Variants in GREB1 observed in about 807,000 individuals in gnomAD.
The protein encoded by GREB1 is protein GREB1.
Under a neutral mutation model 200.7 loss-of-function variants are expected in GREB1, and 106 were observed. That is an observed-to-expected ratio of 0.53 (90% CI 0.45 to 0.62). GREB1 has a LOEUF of 0.62. GREB1 is among the 20% of genes least tolerant of loss of function. The probability of loss-of-function intolerance (pLI) is 0.00; values close to 1 mark genes in which losing one functional copy is unlikely to be tolerated. For synonymous variants in GREB1, 1,132 were observed against 1,092.4 expected, an observed-to-expected ratio of 1.04 and a Z score of -0.72; for missense variants, 2,243 against 2,556.8, an observed-to-expected ratio of 0.88 and a Z score of 2.65.
intron 11 of GREB1, 96 bp from the exon 12 acceptor site, chr2:11,595,155 T>C: frequency 9.0e-7 from 1 of 1,113,756 alleles, no homozygotes; most frequent in Non-Finnish European, 1.3e-6. Flanking sequence ...AGATGGGAAA[T>C]GTCAAGTCTA....
At chr2:11,616,419 C>T (rs555930486) in intron 20 of GREB1, among the ~76,000 whole-genome samples, 8 of 152,376 alleles carry the variant, frequency 5.3e-5, no homozygotes, top group African/African-American at 1.7e-4. Context: ...CAGGAGCCTT[C>T]GCTGCACCCA....
At chr2:11,551,688 TC>T (rs753111113) in intron 1 of GREB1, among the ~76,000 whole-genome samples, 6 of 152,322 alleles carry the variant, frequency 3.9e-5, no homozygotes, top group Admixed American at 2.0e-4. Context: ...TAGTTTTTTT[TC>T]CAAAGACATC....
At position 11,588,864 on chromosome 2, in the gene GREB1, C is replaced by T; in HGVS notation, c.1278C>T (p.Ala426=). 1 of 1,614,176 alleles carries T rather than the reference C, an allele frequency of 6.2e-7. No individual in the cohort carries two copies. The highest frequency in any genetic ancestry group is 8.5e-7 in the Non-Finnish European group (1 of 1,180,004). Residue 426 remains alanine, a synonymous_variant, in exon 10 of 33, where the codon GCC becomes GCT. Coordinates refer to ENST00000381486, the MANE Select transcript of GREB1 (RefSeq NM_014668.4). ...SVSRAYEQYG[A]SAIQPISEEM... ...CACGGGCATACGAGCAGTACGGCGC[C>T]TCTGCCATCCAGCCCATCTCCGAGG...
intron 1 of GREB1, among the ~76,000 whole-genome samples, chr2:11,502,715 T>C (rs1030246778): frequency 4.6e-5 from 7 of 152,192 alleles, no homozygotes; most frequent in African/African-American, 2.4e-5. Context: ...GATGAAAATA[T>C]TTATTGACCT....
In GREB1 at chr2:11,497,971, C is replaced by CTTTTTTT. The variant is rs70955803; in HGVS notation, c.-159+15625_-159+15631dup. ...TAACAGGGTCTTTTGCAGAGCAAAA[C>CTTTTTTT]TTTTTTTTTTTTTTTTTTTTTTTTT... On this transcript the variant is annotated intron_variant, in intron 1 of 2. Transcript: ENST00000628795. 9.8e-5 allele frequency among the ~76,000 whole-genome samples: 4 copies of CTTTTTTT among 40,628 alleles called. 1 individual carries two copies. The highest frequency in any genetic ancestry group is 1.6e-3 in the East Asian group (2 of 1,266). 26.7% of individuals were successfully genotyped at this position (40,628 alleles called of 152,430 possible).
At chr2:11,584,385 A>G (rs369878788) in intron 7 of GREB1, among the ~76,000 whole-genome samples, 9 of 152,156 alleles carry the variant, frequency 5.9e-5, no homozygotes, top group East Asian at 1.9e-4. Context: ...TGAGTCTGAA[A>G]TTAGCTTTCC....
Position 11,625,287 on chromosome 2 carries a change from G to C in GREB1, c.4281G>C (p.Ser1427=). 1 of 1,614,108 alleles carries C rather than the reference G, an allele frequency of 6.2e-7. No individual in the cohort carries two copies. The highest frequency in any genetic ancestry group is 8.5e-7 in the Non-Finnish European group (1 of 1,179,988). ...ATGAAGATGCCAGCCTGATTTGTTC[G>C]CACTATCAGGGTATAAAGAGTGAAG... ...PKYEDASLIC[S]HYQGIKSEDR... is the part of the protein sequence containing the mutation. The change falls in exon 24 of 33, where the codon TCG becomes TCC. Residue 1427 remains serine, a synonymous_variant. Transcript: ENST00000381486.
intron 30 of GREB1, 73 bp from the exon 31 acceptor site, chr2:11,637,643 T>G: frequency 2.1e-6 from 3 of 1,419,510 alleles, no homozygotes; most frequent in Non-Finnish European, 2.9e-6. Context: ...GGGCCACCCT[T>G]GCAGCCCGGA....
rs1558643641 is a variant in GREB1 at position 11,618,168 on chromosome 2, G to GGGACAGGTCACTCCTGGGATGGGCC, written c.3413-120_3413-119insGGACAGGTCACTCCTGGGATGGGCC. 796 of 678,120 alleles carry GGGACAGGTCACTCCTGGGATGGGCC rather than the reference G, an allele frequency of 1.2e-3. 12 individuals carry two copies. Among genetic ancestry groups the GGGACAGGTCACTCCTGGGATGGGCC allele is most frequent in the Middle Eastern group, 4.6e-3 (10 of 2,152 alleles). The allele number at this position is 678,120 out of a possible 1,614,324, so 42.0% of individuals were successfully genotyped here. A position where few individuals can be genotyped will look rare whatever the true frequency, so the allele number is the denominator to read the frequency against. The stretch of plus-strand genomic sequence containing the variant: ...GGGACAGGTCACTCCTGGGATGGGT[G>GGGACAGGTCACTCCTGGGATGGGCC]ACTCCTGGGACAGGTCACTCCTGGG... On this transcript the variant is annotated intron_variant, in intron 21 of 32. Transcript: ENST00000381486.
chr2:11,519,335 T>A (rs965258797), intron 1 of GREB1, among the ~76,000 whole-genome samples: 1 of 152,064 alleles, frequency 6.6e-6, no homozygotes, highest in African/African-American at 2.4e-5. Flanking sequence ...GAAATGACCA[T>A]CTGTGAGGGT....
chr2:11,640,242 G>T lies in GREB1; in HGVS notation c.5687-49G>T. The T allele has an allele frequency of 6.4e-7, 1 of 1,570,768 alleles. No individual in the cohort carries two copies. ...AGAATCCGGGCAGCCGCTTTCCTCT[G>T]GATAAACTCACCTTTTCCCTTCCCA... On this transcript the variant is annotated intron_variant, in intron 32 of 32. Coordinates refer to ENST00000381486, the MANE Select transcript of GREB1 (RefSeq NM_014668.4). This position sits in a 1 kb window ranked among gnomAD's most constrained non-coding sequence, Gnocchi z 4.6.
intron 1 of GREB1, among the ~76,000 whole-genome samples, chr2:11,500,201 G>A (rs1387345399): frequency 6.6e-6 from 1 of 151,836 alleles, no homozygotes; most frequent in African/African-American, 2.4e-5. Context: ...TCACGCTGTT[G>A]CCCAGGCTGG....
intron 7 of GREB1, chr2:11,581,299 G>T (rs1390164049): frequency 2.2e-6 from 1 of 450,796 alleles, no homozygotes; most frequent in East Asian, 3.9e-5. Flanking sequence ...TGTTAAGAGG[G>T]ATGAGGTGCT....
intron 21 of GREB1, among the ~76,000 whole-genome samples, chr2:11,617,772 C>T (rs1683554704): frequency 1.3e-5 from 2 of 152,262 alleles, no homozygotes; most frequent in South Asian, 4.1e-4. Context: ...GGCTGAGAGT[C>T]CCTGCTGTTT....
At chr2:11,514,778 G>C (rs1178596404) in intron 1 of GREB1, among the ~76,000 whole-genome samples, 1 of 152,170 alleles carries the variant, frequency 6.6e-6, no homozygotes, top group East Asian at 1.9e-4. Flanking sequence ...TCATGTATTG[G>C]CTTAGGAATA....
chr2:11,624,635 A>G (rs1224315171), intron 23 of GREB1, among the ~76,000 whole-genome samples: 1 of 152,122 alleles, frequency 6.6e-6, no homozygotes, highest in East Asian at 1.9e-4. Flanking sequence ...ATGAGCCACC[A>G]TGCCCGGCCA....
chr2:11,620,383 G>C lies in GREB1; in HGVS notation c.4045-522G>C, dbSNP rs187246012. ...ACTAAGATTAATAGGAGGTATGCTA[G>C]CCTGAAGCTGGGCTGGGGAAGCAGG... On this transcript the variant is annotated intron_variant, in intron 22 of 32. Transcript: ENST00000381486. 3.3e-5 allele frequency among the ~76,000 whole-genome samples: 5 copies of C among 152,300 alleles called. No individual in the cohort carries two copies. In the South Asian group the frequency reaches 6.2e-4, roughly 19 times the overall value.
Position 11,618,695 on chromosome 2 carries a change from A to G in GREB1, c.3820A>G (p.Ser1274Gly), listed in dbSNP as rs1683730493. The change falls in exon 22 of 33, where the codon AGC becomes GGC. Residue 1274 changes from serine (S) to glycine (G), a missense_variant. Physicochemically the swap from Ser to Gly is moderately conservative, Grantham distance 56. Coordinates refer to ENST00000381486, the MANE Select transcript of GREB1 (RefSeq NM_014668.4). Reference protein sequence around the residue: ...LVYDMVVSTDSSGLPKAASLL... With the variant: ...LVYDMVVSTDGSGLPKAASLL... Reference sequence around the variant, plus strand: ...GTACGACATGGTTGTGTCCACTGACAGCAGTGGCCTGCCCAAGGCCGCCTC... The same window carrying G: ...GTACGACATGGTTGTGTCCACTGACGGCAGTGGCCTGCCCAAGGCCGCCTC... 2.5e-6 allele frequency: 4 copies of G among 1,613,708 alleles called. No individual in the cohort carries two copies. Among genetic ancestry groups the G allele is most frequent in the Non-Finnish European group, 3.4e-6 (4 of 1,179,896 alleles).
chr2:11,595,712 C>T (rs1681149025), intron 12 of GREB1, among the ~76,000 whole-genome samples: 1 of 152,116 alleles, frequency 6.6e-6, no homozygotes. Flanking sequence ...CCTGTCTCCC[C>T]TTTTTGCTGG....
Sources: gnomAD v4.1 joint callset for allele counts (sites outside exome capture counted in the v4.1 genomes callset) on GRCh38, gnomAD v4.1.1 for gene constraint, Gnocchi (gnomAD v3.1) non-coding constraint, MANE v1.5 for transcripts, NCBI Gene and HGNC (gene_info 2026-07-23, HGNC 2026-07-21) for gene names.